Variants in RPS6KC1 observed in about 807,000 individuals in gnomAD.
RPS6KC1 encodes ribosomal protein S6 kinase C1.
Under a neutral mutation model 103.8 loss-of-function variants are expected in RPS6KC1, and 54 were observed. The ratio of observed to expected loss-of-function variants is 0.52; its 90% CI spans 0.42 to 0.65. The LOEUF (loss-of-function observed/expected upper bound fraction) is 0.65, where lower values mean the gene tolerates loss of function less well. Ranked by LOEUF, RPS6KC1 falls within the 30% of genes least tolerant of loss-of-function variation. The pLI is 0.00. For synonymous variants in RPS6KC1, 439 were observed against 438.7 expected, an observed-to-expected ratio of 1.00 and a Z score of -0.01; for missense variants, 1,151 against 1,253.8, an observed-to-expected ratio of 0.92 and a Z score of 1.24.
chr1:213,613,146 C>T, the RPS6KC1 span, among the ~76,000 whole-genome samples: 1 of 152,118 alleles, frequency 6.6e-6, no homozygotes, highest in Non-Finnish European at 1.5e-5. Flanking sequence ...TTCACTGGAC[C>T]GTTATTATGA....
the RPS6KC1 span, among the ~76,000 whole-genome samples, chr1:213,286,601 T>C: frequency 1.3e-5 from 2 of 152,244 alleles, no homozygotes; most frequent in Non-Finnish European, 2.9e-5. Flanking sequence ...CAAGCATTTA[T>C]CCTGATTTTT....
chr1:213,200,109 T>C (rs2093102361), intron 8 of RPS6KC1, among the ~76,000 whole-genome samples: 1 of 152,198 alleles, frequency 6.6e-6, no homozygotes, highest in Non-Finnish European at 1.5e-5. Flanking sequence ...ACCATTGAGA[T>C]TCTTCACAGA....
chr1:213,629,803 T>G, the RPS6KC1 span, among the ~76,000 whole-genome samples: 1 of 152,350 alleles, frequency 6.6e-6, no homozygotes, highest in East Asian at 1.9e-4. Context: ...TCTCAGCATT[T>G]GCTTGTCTGT....
the RPS6KC1 span, among the ~76,000 whole-genome samples, chr1:213,311,542 T>C: frequency 6.6e-6 from 1 of 152,178 alleles, no homozygotes; most frequent in Admixed American, 6.5e-5. Flanking sequence ...AAATTTGGTC[T>C]AAGTTGTCAG....
At chr1:213,422,466 C>G in the RPS6KC1 span, among the ~76,000 whole-genome samples, 1 of 152,176 alleles carries the variant, frequency 6.6e-6, no homozygotes, top group Non-Finnish European at 1.5e-5. Flanking sequence ...CATTGGTGTA[C>G]AAATGTCTGT....
intron 6 of RPS6KC1, among the ~76,000 whole-genome samples, chr1:213,137,944 T>G (rs2086575654): frequency 6.6e-6 from 1 of 150,894 alleles, no homozygotes; most frequent in Non-Finnish European, 1.5e-5. Flanking sequence ...GTTTTTCTAT[T>G]TACAGATAAT....
In RPS6KC1 at chr1:213,110,984, A is replaced by G. The variant is rs753778068; in HGVS notation, c.379-6333A>G. Among the ~76,000 whole-genome samples the G allele has an allele frequency of 4.0e-5, 6 of 151,308 alleles. No individual in the cohort carries two copies. The East Asian group carries it at 7.7e-4, about 20-fold the overall frequency. On this transcript the variant is annotated intron_variant, in intron 4 of 14. Coordinates refer to ENST00000366960, the MANE Select transcript of RPS6KC1 (RefSeq NM_012424.6). The stretch of plus-strand genomic sequence containing the variant: ...TCTGTGCTTCAATCCAAATCACATT[A>G]GCCTCCTCAAAAGTGAACCTGCTGG...
intron 5 of RPS6KC1, among the ~76,000 whole-genome samples, chr1:213,129,107 A>G (rs1481165194): frequency 2.0e-5 from 3 of 152,174 alleles, no homozygotes; most frequent in African/African-American, 7.2e-5. Context: ...GCTGGGCAAC[A>G]TGGCAAGATG....
At chr1:213,448,833 C>A in the RPS6KC1 span, among the ~76,000 whole-genome samples, 1 of 151,326 alleles carries the variant, frequency 6.6e-6, no homozygotes, top group African/African-American at 2.4e-5. Flanking sequence ...CTTGTCCTTG[C>A]TCAAAGCTTT....
the RPS6KC1 span, among the ~76,000 whole-genome samples, chr1:213,361,549 G>A: frequency 1.1e-4 from 17 of 152,220 alleles, no homozygotes; most frequent in East Asian, 3.9e-4. Context: ...TGCTCAGTGC[G>A]CTGCACCCAC....
chr1:213,510,282 G>A, the RPS6KC1 span, among the ~76,000 whole-genome samples: 2 of 152,232 alleles, frequency 1.3e-5, no homozygotes, highest in Non-Finnish European at 2.9e-5. Flanking sequence ...CACCAGATCC[G>A]GAGTACTTCC....
the RPS6KC1 span, among the ~76,000 whole-genome samples, chr1:213,291,831 C>T: frequency 6.6e-5 from 10 of 152,186 alleles, no homozygotes; most frequent in Non-Finnish European, 1.5e-4. Flanking sequence ...TTCTTAAACA[C>T]GTTGACTGGT....
the RPS6KC1 span, among the ~76,000 whole-genome samples, chr1:213,671,493 A>G: frequency 6.6e-6 from 1 of 152,190 alleles, no homozygotes; most frequent in Non-Finnish European, 1.5e-5. Flanking sequence ...TGCATTGAAT[A>G]TTTCAAACAA....
At chr1:213,451,371 G>A in the RPS6KC1 span, among the ~76,000 whole-genome samples, 1 of 152,192 alleles carries the variant, frequency 6.6e-6, no homozygotes, top group Admixed American at 6.5e-5. Flanking sequence ...AAAGATTCCT[G>A]GTAGATTTTA....
chr1:213,450,899 C>T, the RPS6KC1 span, among the ~76,000 whole-genome samples: 32 of 151,792 alleles, frequency 2.1e-4, no homozygotes, highest in African/African-American at 4.1e-4. Context: ...TGCTTGACCC[C>T]GGGAGGCGGA....
the RPS6KC1 span, among the ~76,000 whole-genome samples, chr1:213,725,561 C>T: frequency 6.6e-6 from 1 of 152,176 alleles, no homozygotes; most frequent in Non-Finnish European, 1.5e-5. Context: ...GGTACTGCTT[C>T]AACCACAGAA....
chr1:213,426,226 T>G, the RPS6KC1 span, among the ~76,000 whole-genome samples: 1 of 152,126 alleles, frequency 6.6e-6, no homozygotes, highest in African/African-American at 2.4e-5. Flanking sequence ...GTGTCTGGTA[T>G]TGTGTTCTAA....
At chr1:213,570,713 C>G in the RPS6KC1 span, among the ~76,000 whole-genome samples, 2 of 152,120 alleles carry the variant, frequency 1.3e-5, no homozygotes, top group Admixed American at 1.3e-4. Flanking sequence ...ATGTATTGAC[C>G]CAGGTCAAAT....
chr1:213,096,606 A>G (rs924156081), intron 3 of RPS6KC1, among the ~76,000 whole-genome samples: 1 of 151,992 alleles, frequency 6.6e-6, no homozygotes, highest in African/African-American at 2.4e-5. Context: ...CGGAGGTTGC[A>G]GTGATTTGAG....
Sources: gnomAD v4.1 joint callset for allele counts (sites outside exome capture counted in the v4.1 genomes callset) on GRCh38, gnomAD v4.1.1 for gene constraint, MANE v1.5 for transcripts, NCBI Gene and HGNC (gene_info 2026-07-23, HGNC 2026-07-21) for gene names.